Variants in FAM13B observed in about 807,000 individuals in gnomAD.
The protein encoded by FAM13B is protein FAM13B.
Under a neutral mutation model 117.3 loss-of-function variants are expected in FAM13B, and 60 were observed. The observed-to-expected ratio is 0.51, with a 90% CI of 0.42 to 0.63. FAM13B has a LOEUF of 0.63. Ranked by LOEUF, FAM13B falls within the 30% of genes least tolerant of loss-of-function variation. The pLI is 0.00. For missense variants in FAM13B, 972 were observed against 1,091.9 expected (o/e 0.89, Z 1.55); for synonymous variants, 332 against 356.1 (o/e 0.93, Z 0.76).
intron 10 of FAM13B, among the ~76,000 whole-genome samples, chr5:137,966,444 AG>A: frequency 7.0e-6 from 1 of 142,750 alleles, no homozygotes; most frequent in South Asian, 2.2e-4. Context: ...AAAAAAAAAA[AG>A]AAAGAAATAG....
chr5:138,029,213 CAG>C (rs1789255834), intron 1 of FAM13B, among the ~76,000 whole-genome samples: 1 of 152,178 alleles, frequency 6.6e-6, no homozygotes, highest in African/African-American at 2.4e-5. Context: ...GAAGCAAGCT[CAG>C]AGAGCTGAAG....
chr5:137,967,762 A>T (rs1770521741), intron 10 of FAM13B, among the ~76,000 whole-genome samples: 1 of 151,946 alleles, frequency 6.6e-6, no homozygotes, highest in Admixed American at 6.6e-5. Flanking sequence ...GTGTGATGGC[A>T]TGCCCCTGTA....
intron 18 of FAM13B, among the ~76,000 whole-genome samples, chr5:137,947,126 G>T (rs895088439): frequency 6.6e-6 from 1 of 152,124 alleles, no homozygotes; most frequent in African/African-American, 2.4e-5. Context: ...CGTTCTATAG[G>T]ATCAACTATT....
In FAM13B at chr5:137,939,114, T is replaced by C. The variant is rs531839685; in HGVS notation, c.*1111A>G. On this transcript the variant is annotated 3_prime_UTR_variant, in exon 24 of 24. Coordinates refer to ENST00000689681, the MANE Select transcript of FAM13B (RefSeq NM_001385994.1). ...ATGACAAGGGGCATACCACTACACA[T>C]CCTGTAAACAGCTGCTTTAAACAGC... The C allele has an allele frequency of 6.6e-5, 10 of 151,882 alleles. No individual in the cohort carries two copies. The highest frequency in any genetic ancestry group is 1.5e-4 in the Non-Finnish European group (10 of 67,974). 9.4% of individuals were successfully genotyped at this position (151,882 alleles called of 1,614,324 possible).
At chr5:137,985,058 C>T (rs1286870693) in intron 10 of FAM13B, among the ~76,000 whole-genome samples, 199 bp downstream of exon 10, 1 of 152,142 alleles carries the variant, frequency 6.6e-6, no homozygotes. Flanking sequence ...CGTGAGCCAC[C>T]ACACCCAGCC....
intron 7 of FAM13B, among the ~76,000 whole-genome samples, chr5:137,992,084 G>C (rs1313184940): frequency 6.6e-6 from 1 of 151,794 alleles, no homozygotes; most frequent in Non-Finnish European, 1.5e-5. Context: ...GCTAACTTTT[G>C]TAATTTTTGT....
intron 17 of FAM13B, among the ~76,000 whole-genome samples, chr5:137,950,621 C>G (rs868015713): frequency 6.6e-6 from 1 of 152,090 alleles, no homozygotes. Flanking sequence ...GCAGCCTTGA[C>G]CTCCTAGGCC....
chr5:137,954,070 T>TTTTTAAA, intron 15 of FAM13B, 96 bp downstream of exon 15: 1 of 537,218 alleles, frequency 1.9e-6, no homozygotes, highest in Non-Finnish European at 2.9e-6. Context: ...TGAGATGGAG[T>TTTTTAAA]TTCACTATTG....
rs181253372 is a variant in FAM13B at position 137,996,995 on chromosome 5, A to C, written c.849-8680T>G. Among the ~76,000 whole-genome samples the C allele has an allele frequency of 5.2e-4, 79 of 152,338 alleles. 1 individual carries two copies. Among genetic ancestry groups the C allele is most frequent in the Admixed American group, 1.7e-3 (26 of 15,304 alleles). On this transcript the variant is annotated intron_variant, in intron 7 of 23. Coordinates refer to ENST00000689681, the MANE Select transcript of FAM13B (RefSeq NM_001385994.1). Reference sequence around the variant, plus strand: ...AATTTTTTTTGGCTTGTGGTTTCTTAAGCATGAGCATAAATTAAAAATTAC... The same window carrying C: ...AATTTTTTTTGGCTTGTGGTTTCTTCAGCATGAGCATAAATTAAAAATTAC...
chr5:138,045,131 A>G (rs1791605217), intron 1 of FAM13B, among the ~76,000 whole-genome samples: 3 of 152,246 alleles, frequency 2.0e-5, no homozygotes, highest in Non-Finnish European at 2.9e-5. Flanking sequence ...GTAGCAGAAT[A>G]TAGGTATAAA....
chr5:137,971,746 T>A, intron 10 of FAM13B, among the ~76,000 whole-genome samples: 1 of 144,666 alleles, frequency 6.9e-6, no homozygotes, highest in Non-Finnish European at 1.5e-5. Flanking sequence ...GAGAGAAGAA[T>A]CAAATAGACG....
At chr5:137,942,795 A>G (rs1762245597) in intron 22 of FAM13B, 80 bp downstream of exon 22, 4 of 1,253,078 alleles carry the variant, frequency 3.2e-6, no homozygotes, top group Non-Finnish European at 4.4e-6. Context: ...TTAATTCCTT[A>G]ATACTCATTT....
intron 1 of FAM13B, among the ~76,000 whole-genome samples, chr5:138,050,802 T>G (rs1791779233): frequency 6.6e-6 from 1 of 152,204 alleles, no homozygotes; most frequent in African/African-American, 2.4e-5. Flanking sequence ...ACCCAAGAAC[T>G]GTCTCTACCC....
chr5:138,004,236 T>G (rs1225127126), intron 7 of FAM13B, among the ~76,000 whole-genome samples: 1 of 150,872 alleles, frequency 6.6e-6, no homozygotes, highest in Non-Finnish European at 1.5e-5. Flanking sequence ...ACCACTGCAC[T>G]CCAGCCTGGG....
intron 10 of FAM13B, among the ~76,000 whole-genome samples, chr5:137,985,037 G>A (rs1312846710): frequency 3.3e-5 from 5 of 152,142 alleles, no homozygotes; most frequent in Admixed American, 3.3e-4. Flanking sequence ...CCAAAGTGCT[G>A]GGATTACAGG....
chr5:138,025,211 T>C (rs561074382), intron 1 of FAM13B, among the ~76,000 whole-genome samples: 33 of 150,780 alleles, frequency 2.2e-4, no homozygotes, highest in African/African-American at 6.6e-4. Context: ...CATGGTGTTA[T>C]TGACAAGGAA....
intron 1 of FAM13B, among the ~76,000 whole-genome samples, chr5:138,022,032 T>TGGAAGG (rs1449957121): frequency 2.0e-5 from 3 of 151,540 alleles, no homozygotes; most frequent in Non-Finnish European, 2.9e-5. Flanking sequence ...GAGGATCACT[T>TGGAAGG]CTGCCAGGAG....
chr5:138,050,810 C>T (rs1791779402), intron 1 of FAM13B, among the ~76,000 whole-genome samples: 1 of 152,168 alleles, frequency 6.6e-6, no homozygotes, highest in Admixed American at 6.5e-5. Context: ...ACTGTCTCTA[C>T]CCAACTATGA....
At chr5:138,016,788 A>T (rs1317024191) in intron 4 of FAM13B, among the ~76,000 whole-genome samples, 1 of 152,210 alleles carries the variant, frequency 6.6e-6, no homozygotes, top group Admixed American at 6.5e-5. Context: ...TCAGGACTGA[A>T]AGATTATCTG....
Sources: gnomAD v4.1 joint callset for allele counts (sites outside exome capture counted in the v4.1 genomes callset) on GRCh38, gnomAD v4.1.1 for gene constraint, MANE v1.5 for transcripts, NCBI Gene and HGNC (gene_info 2026-07-23, HGNC 2026-07-21) for gene names.